The following GALNT13 variants were observed in gnomAD, a reference collection of about 807,000 sequenced individuals.
GALNT13 encodes the protein polypeptide N-acetylgalactosaminyltransferase 13, also known as UDP-GalNAc:polypeptide N-acetylgalactosaminyltransferase 13.
In GALNT13, 28 loss-of-function variants were observed where a neutral mutation model predicts 64.2. The ratio of observed to expected loss-of-function variants is 0.44; its 90% confidence interval spans 0.32 to 0.60. The LOEUF (loss-of-function observed/expected upper bound fraction) is 0.60, where lower values mean the gene tolerates loss of function less well. Ranked by LOEUF, GALNT13 falls within the 20% of genes least tolerant of loss-of-function variation. The probability of loss-of-function intolerance (pLI) is 0.05; values close to 1 mark genes in which losing one functional copy is unlikely to be tolerated. For synonymous variants in GALNT13, 214 were observed against 224.6 expected (o/e 0.95, Z 0.42); for missense variants, 577 against 669.8 (o/e 0.86, Z 1.53).
At chr2:153,122,674 A>G in the GALNT13 span, among the ~76,000 whole-genome samples, 1 of 152,150 alleles carries the variant, frequency 6.6e-6, no homozygotes, top group South Asian at 2.1e-4. Context: ...ACTTTCATAG[A>G]GCACGCCTGC....
chr2:153,437,965 G>A, the GALNT13 span, among the ~76,000 whole-genome samples: 17 of 152,168 alleles, frequency 1.1e-4, no homozygotes, highest in Admixed American at 5.2e-4. Context: ...GGCTGGTAGC[G>A]GTTGTTCCTT....
the GALNT13 span, among the ~76,000 whole-genome samples, chr2:153,158,309 A>T: frequency 6.6e-6 from 1 of 152,284 alleles, no homozygotes; most frequent in African/African-American, 2.4e-5. Context: ...AAAATCTCTA[A>T]GGCTATGAAG....
chr2:154,141,193 A>G (rs533209225), intron 4 of GALNT13, among the ~76,000 whole-genome samples: 1 of 152,260 alleles, frequency 6.6e-6, no homozygotes, highest in South Asian at 2.1e-4. Flanking sequence ...TGTGTAGTGA[A>G]TGTGAAGGCT....
At chr2:153,694,366 C>T in the GALNT13 span, among the ~76,000 whole-genome samples, 2 of 152,006 alleles carry the variant, frequency 1.3e-5, no homozygotes, top group African/African-American at 4.8e-5. Flanking sequence ...GAAGAATTTC[C>T]AATGATCAAT....
the GALNT13 span, chr2:153,422,089 CT>C: frequency 2.0e-5 from 3 of 152,040 alleles, no homozygotes; most frequent in Admixed American, 2.0e-4. Flanking sequence ...GCATAAATAG[CT>C]CATGAAACAC....
chr2:153,393,894 T>A, the GALNT13 span, among the ~76,000 whole-genome samples: 1 of 151,968 alleles, frequency 6.6e-6, no homozygotes, highest in South Asian at 2.1e-4. Flanking sequence ...CCACCCTCTA[T>A]AATCATGAGC....
At chr2:153,725,006 C>A in the GALNT13 span, among the ~76,000 whole-genome samples, 1 of 151,268 alleles carries the variant, frequency 6.6e-6, no homozygotes, top group Non-Finnish European at 1.5e-5. Context: ...CACATGCACA[C>A]GTATGTTTAT....
intron 3 of GALNT13, among the ~76,000 whole-genome samples, chr2:153,984,040 A>G (rs1238617749): frequency 1.3e-5 from 2 of 149,890 alleles, no homozygotes; most frequent in Non-Finnish European, 3.0e-5. Context: ...TCTTTCTATA[A>G]TAAAATTCTT....
intron 3 of GALNT13, among the ~76,000 whole-genome samples, chr2:154,121,308 C>G (rs1327747254): frequency 6.6e-6 from 1 of 152,118 alleles, no homozygotes; most frequent in Admixed American, 6.6e-5. Flanking sequence ...ATTTTGCTAT[C>G]TTGCTGATGC....
intron 2 of GALNT13, among the ~76,000 whole-genome samples, chr2:153,924,109 T>C (rs1689945822): frequency 6.6e-6 from 1 of 152,116 alleles, no homozygotes; most frequent in African/African-American, 2.4e-5. Context: ...GATTGTTACA[T>C]AGGTAAATGT....
chr2:154,249,645 C>T (rs1433546804), intron 7 of GALNT13, among the ~76,000 whole-genome samples: 1 of 151,922 alleles, frequency 6.6e-6, no homozygotes, highest in Non-Finnish European at 1.5e-5. Flanking sequence ...ACTCTTTTAC[C>T]TTTAATCATC....
chr2:154,152,506 G>C (rs969722199), intron 4 of GALNT13, among the ~76,000 whole-genome samples: 1 of 152,124 alleles, frequency 6.6e-6, no homozygotes, highest in East Asian at 1.9e-4. Flanking sequence ...AGTTCTCCTG[G>C]ATAATATCCT....
chr2:153,925,355 A>T (rs959719938), intron 2 of GALNT13, among the ~76,000 whole-genome samples: 1 of 151,974 alleles, frequency 6.6e-6, no homozygotes, highest in African/African-American at 2.4e-5. Context: ...CAAAGATCAG[A>T]TAGTTGTAGG....
the GALNT13 span, among the ~76,000 whole-genome samples, chr2:153,567,207 A>G: frequency 6.6e-6 from 1 of 152,208 alleles, no homozygotes. Flanking sequence ...AAAAATATAT[A>G]TTCTGTTCTT....
the GALNT13 span, among the ~76,000 whole-genome samples, chr2:153,437,284 GA>G: frequency 6.6e-6 from 1 of 152,088 alleles, no homozygotes; most frequent in African/African-American, 2.4e-5. Flanking sequence ...GTGTGGTGCT[GA>G]AAAAAATGTA....
the GALNT13 span, among the ~76,000 whole-genome samples, chr2:153,784,993 T>C: frequency 6.6e-6 from 1 of 152,118 alleles, no homozygotes; most frequent in East Asian, 1.9e-4. Context: ...TAGATCTTGG[T>C]TCTCTTCACT....
chr2:154,410,632 A>G (rs890174363), intron 11 of GALNT13, among the ~76,000 whole-genome samples: 1 of 151,878 alleles, frequency 6.6e-6, no homozygotes, highest in East Asian at 1.9e-4. Context: ...ACAACAAAAC[A>G]CTGAATATTT....
rs538218579 is a variant in GALNT13, at chr2:154,417,803, C to T, written c.1395+8721C>T. 4.9e-4 allele frequency among the ~76,000 whole-genome samples: 75 copies of T among 152,160 alleles called. 1 individual carries two copies. Among genetic ancestry groups the T allele is most frequent in the African/African-American group, 9.9e-4 (41 of 41,520 alleles). On this transcript the variant is annotated intron_variant, in intron 11 of 12. Transcript: ENST00000392825. The stretch of plus-strand genomic sequence containing the variant: ...CTGGGATTACAGGTGTGAGCCACCG[C>T]GCCCGGCCACTTTTAGAACTATGTA...
the GALNT13 span, among the ~76,000 whole-genome samples, chr2:153,324,240 T>C: frequency 6.6e-6 from 1 of 152,176 alleles, no homozygotes; most frequent in Admixed American, 6.5e-5. Flanking sequence ...CTAGGTATTT[T>C]ATTATCTTTG....
Sources: gnomAD v4.1 joint callset for allele counts (sites outside exome capture counted in the v4.1 genomes callset) on GRCh38, gnomAD v4.1.1 for gene constraint, MANE v1.5 for transcripts, NCBI Gene and HGNC (gene_info 2026-07-23, HGNC 2026-07-21) for gene names.